MCTP1: variants seen among roughly 807,000 people sequenced by gnomAD.
MCTP1 encodes multiple C2 and transmembrane domain-containing protein 1.
MCTP1 carries 69 observed loss-of-function variants against 120.6 expected under a neutral mutation model. That is an observed-to-expected ratio of 0.57 (90% CI 0.47 to 0.70). The LOEUF (loss-of-function observed/expected upper bound fraction) is 0.70. Among genes scored for constraint, MCTP1 ranks in the 30% least tolerant of loss-of-function variants. MCTP1 has a pLI of 0.00. For missense variants in MCTP1, 1,203 were observed against 1,248.8 expected (o/e 0.96, Z 0.55); for synonymous variants, 529 against 493.1 (o/e 1.07, Z -0.96).
chr5:94,779,226 T>C, intron 18 of MCTP1, 63 bp from the exon 19 acceptor site: 9 of 1,371,808 alleles, frequency 6.6e-6, no homozygotes, highest in Admixed American at 1.7e-5. Context: ...TTCTGTCATT[T>C]TGAACCTTTT....
At chr5:94,716,922 A>G (rs1257747971) in intron 19 of MCTP1, among the ~76,000 whole-genome samples, 10 of 152,172 alleles carry the variant, frequency 6.6e-5, no homozygotes, top group African/African-American at 2.4e-5. Context: ...GAAGGCATTC[A>G]GTGTACCCAG....
In MCTP1 at chr5:94,765,465, C is replaced by T. The variant is rs183192962; in HGVS notation, c.2610+13645G>A. Among the ~76,000 whole-genome samples, 22 of 152,050 alleles carry T rather than the reference C, an allele frequency of 1.4e-4. No individual in the cohort carries two copies. In the East Asian group the frequency reaches 2.1e-3, roughly 15 times the overall value. ...CTGTCATCTCAGCACTTTGGGAGGGCGAGGTGGGTGGATCACCTGAGGTCA... is the reference window on the plus strand; with the variant it reads ...CTGTCATCTCAGCACTTTGGGAGGGTGAGGTGGGTGGATCACCTGAGGTCA... On this transcript the variant is annotated intron_variant, in intron 19 of 22. Coordinates refer to ENST00000515393, the MANE Select transcript of MCTP1 (RefSeq NM_024717.7).
intron 19 of MCTP1, among the ~76,000 whole-genome samples, chr5:94,726,494 C>G (rs1762151314): frequency 6.6e-6 from 1 of 152,024 alleles, no homozygotes; most frequent in Non-Finnish European, 1.5e-5. Context: ...AGTTTTTAAC[C>G]AAAGAAAGAT....
intron 1 of MCTP1, among the ~76,000 whole-genome samples, chr5:95,058,465 C>A (rs544040062): frequency 2.0e-5 from 3 of 152,180 alleles, no homozygotes; most frequent in African/African-American, 7.2e-5. Flanking sequence ...ACACACCTTA[C>A]GACCTTTGGC....
At chr5:95,028,796 CCTGT>C (rs2153688504) in intron 1 of MCTP1, among the ~76,000 whole-genome samples, 1 of 152,296 alleles carries the variant, frequency 6.6e-6, no homozygotes, top group South Asian at 2.1e-4. Flanking sequence ...AAAATACTAT[CCTGT>C]CTGATATTTG....
intron 1 of MCTP1, among the ~76,000 whole-genome samples, chr5:95,148,547 A>G (rs1454272335): frequency 6.6e-6 from 1 of 152,090 alleles, no homozygotes; most frequent in Non-Finnish European, 1.5e-5. Context: ...CAGAAGTTCA[A>G]TTTGGTACTT....
chr5:94,819,816 T>C (rs923186476), intron 17 of MCTP1, among the ~76,000 whole-genome samples: 1 of 152,138 alleles, frequency 6.6e-6, no homozygotes, highest in Non-Finnish European at 1.5e-5. Flanking sequence ...TTTAGGAAAA[T>C]TGGCCACAAA....
chr5:95,091,101 C>T (rs757029817), intron 1 of MCTP1, among the ~76,000 whole-genome samples: 4 of 152,120 alleles, frequency 2.6e-5, no homozygotes, highest in Admixed American at 6.5e-5. Context: ...CCACACCTTC[C>T]CCCCAACCCC....
intron 9 of MCTP1, among the ~76,000 whole-genome samples, chr5:94,910,188 GCA>G (rs1561843238): frequency 6.9e-6 from 1 of 145,656 alleles, no homozygotes; most frequent in East Asian, 2.0e-4. Context: ...ATGTATGTGT[GCA>G]TACATATATG....
At chr5:95,079,771 T>C (rs1582195711) in intron 1 of MCTP1, among the ~76,000 whole-genome samples, 1 of 151,988 alleles carries the variant, frequency 6.6e-6, no homozygotes, top group Non-Finnish European at 1.5e-5. Context: ...ATGTTTTGAA[T>C]TTTTAGAAGG....
At chr5:95,051,921 A>G (rs911979803) in intron 1 of MCTP1, among the ~76,000 whole-genome samples, 4 of 152,120 alleles carry the variant, frequency 2.6e-5, no homozygotes, top group African/African-American at 9.7e-5. Context: ...TGGAAAAACT[A>G]CCCATCCAGT....
At chr5:95,173,289 T>C (rs569599479) in intron 1 of MCTP1, among the ~76,000 whole-genome samples, 1 of 152,332 alleles carries the variant, frequency 6.6e-6, no homozygotes, top group African/African-American at 2.4e-5. Context: ...ACTTGATTCC[T>C]CTATTCAAAT....
intron 2 of MCTP1, among the ~76,000 whole-genome samples, chr5:95,001,940 A>G (rs1205626006): frequency 6.6e-6 from 1 of 152,168 alleles, no homozygotes; most frequent in Non-Finnish European, 1.5e-5. Context: ...CTAGGAGGCA[A>G]AAATTATTTC....
chr5:94,907,504 C>T (rs1807233684), intron 10 of MCTP1, among the ~76,000 whole-genome samples: 1 of 152,148 alleles, frequency 6.6e-6, no homozygotes, highest in Non-Finnish European at 1.5e-5. Context: ...CTTTTTCAAG[C>T]TTCCACAGAT....
At chr5:95,174,096 T>G (rs545327950) in intron 1 of MCTP1, among the ~76,000 whole-genome samples, 1 of 152,144 alleles carries the variant, frequency 6.6e-6, no homozygotes, top group East Asian at 1.9e-4. Context: ...TTTTGTTCAC[T>G]GCTATTACCT....
chr5:94,811,061 C>T (rs1177688070), intron 17 of MCTP1, among the ~76,000 whole-genome samples: 2 of 152,152 alleles, frequency 1.3e-5, no homozygotes, highest in Admixed American at 1.3e-4. Flanking sequence ...GGTCTCATTC[C>T]CCCAATCCCT....
At chr5:95,283,506 T>G (rs2152748623) in intron 1 of MCTP1, among the ~76,000 whole-genome samples, 1 of 152,364 alleles carries the variant, frequency 6.6e-6, no homozygotes, top group African/African-American at 2.4e-5. Context: ...TGTTTTTAAG[T>G]TATTGGGTTA....
At chr5:95,120,154 G>A (rs984248032) in intron 1 of MCTP1, among the ~76,000 whole-genome samples, 27 of 128,486 alleles carry the variant, frequency 2.1e-4, no homozygotes, top group African/African-American at 7.7e-4. Context: ...TCCAGCCTGG[G>A]CGACAGAGCA....
intron 2 of MCTP1, among the ~76,000 whole-genome samples, chr5:94,987,281 C>T (rs1006241783): frequency 1.1e-4 from 16 of 151,942 alleles, no homozygotes; most frequent in African/African-American, 3.4e-4. Context: ...AACATGATTG[C>T]CACCTATATT....
Sources: gnomAD v4.1 joint callset for allele counts (sites outside exome capture counted in the v4.1 genomes callset) on GRCh38, gnomAD v4.1.1 for gene constraint, MANE v1.5 for transcripts, NCBI Gene and HGNC (gene_info 2026-07-23, HGNC 2026-07-21) for gene names.